KALRN: variants seen among roughly 807,000 people sequenced by gnomAD.
KALRN encodes the protein kalirin.
KALRN carries 70 observed loss-of-function variants against 353.7 expected under a neutral mutation model. That is an observed-to-expected ratio of 0.20 (90% confidence interval 0.16 to 0.24). KALRN has a LOEUF of 0.24. KALRN is among the 10% of genes least tolerant of loss of function. The pLI is 1.00. For synonymous variants in KALRN, 1,391 were observed against 1,434.8 expected (o/e 0.97, Z 0.69); for missense variants, 2,791 against 3,756.7 (o/e 0.74, Z 6.72).
At chr3:124,416,181 G>T (rs1222319280) in intron 14 of KALRN, among the ~76,000 whole-genome samples, 1 of 152,202 alleles carries the variant, frequency 6.6e-6, no homozygotes, top group Non-Finnish European at 1.5e-5. Flanking sequence ...GTGTCCAGCA[G>T]GAAAAGGAGG....
intron 1 of KALRN, among the ~76,000 whole-genome samples, chr3:124,126,146 A>G (rs1252954079): frequency 6.6e-6 from 1 of 152,118 alleles, no homozygotes; most frequent in East Asian, 1.9e-4. Context: ...AAGAATTGGG[A>G]GAGATTTCCT....
chr3:124,448,012 G>A (rs528163426), intron 21 of KALRN, among the ~76,000 whole-genome samples: 5 of 152,220 alleles, frequency 3.3e-5, no homozygotes, highest in South Asian at 4.2e-4. Context: ...GGCTTTATCC[G>A]CCCTTCTCCA....
At chr3:124,393,984 C>T (rs920787149) in intron 11 of KALRN, among the ~76,000 whole-genome samples, 5 of 152,142 alleles carry the variant, frequency 3.3e-5, no homozygotes, top group African/African-American at 7.2e-5. Flanking sequence ...AGAACCAACT[C>T]GATGAAATAA....
intron 34 of KALRN, among the ~76,000 whole-genome samples, chr3:124,610,466 A>G (rs960577256): frequency 6.6e-6 from 1 of 151,984 alleles, no homozygotes; most frequent in East Asian, 1.9e-4. Context: ...CTCTGGGGGG[A>G]CAAGGGGTTG....
At chr3:124,519,032 C>G in intron 33 of KALRN, 1 of 986,100 alleles carries the variant, frequency 1.0e-6, no homozygotes, top group Non-Finnish European at 1.2e-6. Context: ...TTCCCAAACA[C>G]TGGCAACAAC....
At chr3:124,108,317 A>G (rs10512621) in intron 1 of KALRN, among the ~76,000 whole-genome samples, 9,311 of 152,278 alleles carry the variant, frequency 0.061, 370 homozygotes, top group South Asian at 0.1. Flanking sequence ...AAAGGCAGAT[A>G]GTCATGTTAA....
At chr3:124,372,878 C>T (rs2086038766) in intron 10 of KALRN, among the ~76,000 whole-genome samples, 1 of 115,558 alleles carries the variant, frequency 8.7e-6, no homozygotes, top group African/African-American at 3.4e-5. Context: ...AATTTCAGCC[C>T]AGGCTTTGAG....
intron 1 of KALRN, among the ~76,000 whole-genome samples, chr3:124,043,589 A>G (rs574834872): frequency 8.5e-5 from 13 of 152,208 alleles, no homozygotes; most frequent in Admixed American, 8.5e-4. Flanking sequence ...CCAGATTGAC[A>G]GCTCCAGGAG....
At chr3:124,194,061 C>A (rs1033792434) in intron 1 of KALRN, among the ~76,000 whole-genome samples, 5 of 152,118 alleles carry the variant, frequency 3.3e-5, no homozygotes, top group African/African-American at 4.8e-5. Flanking sequence ...CTTACAGTAA[C>A]CCTGGTATGG....
chr3:124,139,161 A>G (rs1336454263), intron 1 of KALRN, among the ~76,000 whole-genome samples: 1 of 152,116 alleles, frequency 6.6e-6, no homozygotes, highest in African/African-American at 2.4e-5. Context: ...TCTTGGTTAC[A>G]TGGTCCTTTG....
intron 47 of KALRN, 121 bp downstream of exon 47, chr3:124,667,304 C>A: frequency 2.4e-6 from 2 of 831,030 alleles, no homozygotes; most frequent in South Asian, 5.0e-5. Flanking sequence ...GGTACTCCAA[C>A]TTTGTAGTTT....
At chr3:124,702,622 G>A (rs2062395767) in intron 57 of KALRN, among the ~76,000 whole-genome samples, 1 of 152,142 alleles carries the variant, frequency 6.6e-6, no homozygotes, top group Non-Finnish European at 1.5e-5. Context: ...CTTGCTTTAT[G>A]AGTAGTACAT....
chr3:124,091,452 C>T (rs35423371), intron 1 of KALRN, among the ~76,000 whole-genome samples: 2,120 of 152,252 alleles, frequency 0.014, 22 homozygotes, highest in Middle Eastern at 0.048. Context: ...CTCCTCCCTC[C>T]GTGCTGCTTG....
At chr3:124,316,852 G>A (rs886817705) in intron 6 of KALRN, among the ~76,000 whole-genome samples, 1 of 152,168 alleles carries the variant, frequency 6.6e-6, no homozygotes, top group South Asian at 2.1e-4. Flanking sequence ...ATTAATCAAT[G>A]GATGAATAAA....
At chr3:124,701,276 A>T (rs1053993871) in intron 56 of KALRN, among the ~76,000 whole-genome samples, 4 of 152,062 alleles carry the variant, frequency 2.6e-5, no homozygotes, top group African/African-American at 9.7e-5. Context: ...CAAAGAATCT[A>T]CTCAGGCATA....
chr3:124,576,126 T>C (rs1020361625), intron 34 of KALRN, among the ~76,000 whole-genome samples: 1 of 151,664 alleles, frequency 6.6e-6, no homozygotes, highest in African/African-American at 2.4e-5. Flanking sequence ...TTCCTTCTGC[T>C]TGAATGTCAC....
At chr3:124,042,781 A>C (rs1211735070) in intron 1 of KALRN, among the ~76,000 whole-genome samples, 1 of 152,180 alleles carries the variant, frequency 6.6e-6, no homozygotes, top group Admixed American at 6.5e-5. Flanking sequence ...GAAATAGCTA[A>C]GGGACGTGTG....
At position 124,129,518 on chromosome 3, in the gene KALRN, G is replaced by T. The variant is rs572215504; in HGVS notation, c.73+95705G>T. On this transcript the variant is annotated intron_variant, in intron 1 of 59. Coordinates refer to ENST00000682506, the MANE Select transcript of KALRN (RefSeq NM_001388419.1). ...GGTCAGGGAATATGTCTTGTCTTAG[G>T]CACTGCACTTGGTGGTTAGGTGTGG... Among the ~76,000 whole-genome samples the T allele has an allele frequency of 2.1e-3, 326 of 152,302 alleles. 2 individuals are homozygous for T. The highest frequency in any genetic ancestry group is 9.0e-3 in the Admixed American group (137 of 15,296).
chr3:124,635,227 G>A (rs796146998), intron 36 of KALRN, among the ~76,000 whole-genome samples: 9 of 152,292 alleles, frequency 5.9e-5, no homozygotes, highest in African/African-American at 2.2e-4. Flanking sequence ...TTCACCTTGA[G>A]ATGGAAATGA....
Sources: gnomAD v4.1 joint callset for allele counts (sites outside exome capture counted in the v4.1 genomes callset) on GRCh38, gnomAD v4.1.1 for gene constraint, MANE v1.5 for transcripts, NCBI Gene and HGNC (gene_info 2026-07-23, HGNC 2026-07-21) for gene names.